The following DAB1 variants were observed in gnomAD, a reference collection of about 807,000 sequenced individuals.
The protein encoded by DAB1 is DAB adaptor protein 1, also known as disabled homolog 1.
DAB1 carries 15 observed loss-of-function variants against 64.6 expected under a neutral mutation model. That is an observed-to-expected ratio of 0.23 (90% CI 0.16 to 0.36). The LOEUF is 0.36. DAB1 is among the 10% of genes least tolerant of loss of function. The pLI, the probability that DAB1 is intolerant of heterozygous loss-of-function variation, is 1.00. For synonymous variants in DAB1, 235 were observed against 251.9 expected, an observed-to-expected ratio of 0.93 and a Z score of 0.64; for missense variants, 596 against 706.7, an observed-to-expected ratio of 0.84 and a Z score of 1.78.
At chr1:57,007,821 G>T (rs920311323) in intron 14 of DAB1, among the ~76,000 whole-genome samples, 1 of 152,216 alleles carries the variant, frequency 6.6e-6, no homozygotes, top group African/African-American at 2.4e-5. Context: ...TCCCTGCATG[G>T]TCTCTCTTCT....
chr1:58,351,928 G>C (rs1228077402), intron 3 of DAB1, among the ~76,000 whole-genome samples: 4 of 149,790 alleles, frequency 2.7e-5, no homozygotes, highest in African/African-American at 9.9e-5. Context: ...TTTCAGGGAA[G>C]TTGGAGTAGG....
intron 5 of DAB1, among the ~76,000 whole-genome samples, chr1:57,991,915 G>A (rs1173894086): frequency 1.3e-5 from 2 of 149,052 alleles, no homozygotes; most frequent in Non-Finnish European, 3.0e-5. Flanking sequence ...TGGTGGAAGG[G>A]AGATTGGATG....
At chr1:58,218,656 G>T (rs534564449) in intron 4 of DAB1, among the ~76,000 whole-genome samples, 1 of 152,266 alleles carries the variant, frequency 6.6e-6, no homozygotes, top group East Asian at 1.9e-4. Flanking sequence ...CCAGTGTATT[G>T]TCTGGTTAGG....
intron 2 of DAB1, among the ~76,000 whole-genome samples, chr1:57,232,586 C>G (rs769869209): frequency 6.6e-6 from 1 of 152,022 alleles, no homozygotes; most frequent in Non-Finnish European, 1.5e-5. Context: ...TGCACTCTTC[C>G]CAGTTTTAGG....
chr1:57,802,309 T>C (rs1041320368), intron 6 of DAB1, among the ~76,000 whole-genome samples: 3 of 152,134 alleles, frequency 2.0e-5, no homozygotes, highest in African/African-American at 4.8e-5. Context: ...AAATAGGCCT[T>C]TTGATTACCC....
rs1343404231 is a variant in DAB1 at position 57,695,276 on chromosome 1, G to A, written n.552-45611C>T. Among the ~76,000 whole-genome samples the A allele has an allele frequency of 2.5e-5, 3 of 118,326 alleles. 1 individual carries two copies. Among genetic ancestry groups the A allele is most frequent in the African/African-American group, 9.7e-5 (3 of 31,086 alleles). The allele number at this position is 118,326 out of a possible 152,430, so 77.6% of individuals were successfully genotyped here. On this transcript the variant is annotated intron_variant and non_coding_transcript_variant, in intron 6 of 20. Transcript: ENST00000485760. ...AAGAAAGAAGGAAGGAAGGAAGGAAGGAAGGAAGAAAGGGAGAGAGAAGGA... is the reference window on the plus strand; with the variant it reads ...AAGAAAGAAGGAAGGAAGGAAGGAAAGAAGGAAGAAAGGGAGAGAGAAGGA...
At chr1:57,661,435 GA>G (rs1646385185) in intron 6 of DAB1, among the ~76,000 whole-genome samples, 1 of 152,170 alleles carries the variant, frequency 6.6e-6, no homozygotes, top group Non-Finnish European at 1.5e-5. Context: ...CTTGACACCA[GA>G]ATCTTTCTCT....
At chr1:58,505,704 C>T (rs970874493) in intron 3 of DAB1, among the ~76,000 whole-genome samples, 1 of 151,988 alleles carries the variant, frequency 6.6e-6, no homozygotes. Flanking sequence ...GTATTTTTAA[C>T]AAAAAGCTTA....
intron 7 of DAB1, among the ~76,000 whole-genome samples, chr1:57,603,239 C>T (rs561317626): frequency 1.3e-5 from 2 of 152,214 alleles, no homozygotes; most frequent in Admixed American, 1.3e-4. Flanking sequence ...TCCCAAAGTG[C>T]TGGGATTACA....
intron 3 of DAB1, among the ~76,000 whole-genome samples, chr1:58,474,735 T>C (rs1184880329): frequency 6.6e-6 from 1 of 152,192 alleles, no homozygotes; most frequent in Non-Finnish European, 1.5e-5. Context: ...AATAATTGTT[T>C]CCCTCGTTGC....
At chr1:58,435,045 G>T (rs1437498550) in intron 3 of DAB1, among the ~76,000 whole-genome samples, 3 of 152,160 alleles carry the variant, frequency 2.0e-5, no homozygotes, top group African/African-American at 7.2e-5. Flanking sequence ...TGCCCTCAAG[G>T]ACTTGCATCT....
At chr1:58,502,939 G>A (rs924645170) in intron 3 of DAB1, among the ~76,000 whole-genome samples, 5 of 152,048 alleles carry the variant, frequency 3.3e-5, no homozygotes, top group African/African-American at 7.2e-5. Flanking sequence ...AATGTCTCAC[G>A]TCTTTGTCTT....
intron 3 of DAB1, among the ~76,000 whole-genome samples, chr1:58,382,507 T>C (rs1644398458): frequency 6.6e-6 from 1 of 152,238 alleles, no homozygotes. Flanking sequence ...AAAGGGCTCC[T>C]AGCTGAGGCA....
intron 4 of DAB1, among the ~76,000 whole-genome samples, chr1:57,130,395 A>T (rs1015824282): frequency 9.2e-5 from 14 of 152,158 alleles, no homozygotes; most frequent in African/African-American, 3.1e-4. Flanking sequence ...ATGACCCAGA[A>T]ATCCCACTAC....
chr1:58,409,899 C>T (rs912882507), intron 3 of DAB1, among the ~76,000 whole-genome samples: 2 of 152,132 alleles, frequency 1.3e-5, no homozygotes, highest in South Asian at 4.1e-4. Flanking sequence ...ACAAACAATC[C>T]CGTACTGTGG....
At chr1:58,447,860 A>AAC (rs1553183232) in intron 3 of DAB1, among the ~76,000 whole-genome samples, 1 of 151,110 alleles carries the variant, frequency 6.6e-6, no homozygotes, top group African/African-American at 2.4e-5. Flanking sequence ...ACTTAAACAA[A>AAC]AAAAAAAAAA....
intron 3 of DAB1, among the ~76,000 whole-genome samples, chr1:58,445,161 C>A (rs185923462): frequency 2.0e-5 from 3 of 152,252 alleles, no homozygotes; most frequent in Admixed American, 2.0e-4. Flanking sequence ...TCTCTAAGCC[C>A]CATTTTTTAC....
chr1:57,162,049 C>T (rs1485844060), intron 2 of DAB1, among the ~76,000 whole-genome samples: 1 of 152,084 alleles, frequency 6.6e-6, no homozygotes, highest in Non-Finnish European at 1.5e-5. Flanking sequence ...CCAATGAAAA[C>T]AGAATAAAGA....
intron 6 of DAB1, among the ~76,000 whole-genome samples, chr1:57,723,631 C>T (rs1647175104): frequency 6.6e-6 from 1 of 152,200 alleles, no homozygotes; most frequent in Non-Finnish European, 1.5e-5. Flanking sequence ...CTTCAGTCAT[C>T]AAAGCAGTTT....
Sources: gnomAD v4.1 joint callset for allele counts (sites outside exome capture counted in the v4.1 genomes callset) on GRCh38, gnomAD v4.1.1 for gene constraint, MANE v1.5 for transcripts, NCBI Gene and HGNC (gene_info 2026-07-23, HGNC 2026-07-21) for gene names.